Variants in ARL13B observed in about 807,000 individuals in gnomAD.
ARL13B encodes ARF like GTPase 13B.
In ARL13B, 36 loss-of-function variants were observed where a neutral mutation model predicts 56.1. The observed-to-expected ratio is 0.64, with a 90% confidence interval of 0.49 to 0.85. The LOEUF (loss-of-function observed/expected upper bound fraction) is 0.85. ARL13B is among the 40% of genes least tolerant of loss of function. The pLI is 0.00. For synonymous variants in ARL13B, 178 were observed against 171.1 expected (o/e 1.04, Z -0.32); for missense variants, 519 against 507.1 (o/e 1.02, Z -0.23).
chr3:94,018,140 T>C (rs1339657101), intron 3 of ARL13B, among the ~76,000 whole-genome samples: 1 of 152,164 alleles, frequency 6.6e-6, no homozygotes, highest in Non-Finnish European at 1.5e-5. Flanking sequence ...TCAAGCCATC[T>C]GTTCGCCTTG....
In ARL13B at chr3:94,001,017, C is replaced by T. The variant is rs1490855829; in HGVS notation, c.131-2642C>T. 3.3e-5 allele frequency among the ~76,000 whole-genome samples: 5 copies of T among 152,180 alleles called. No homozygotes were observed. The East Asian group carries it at 9.7e-4, about 29-fold the overall frequency. ...TGGTTTGGTGGTGTAGTATTGAGCC[C>T]TATATACTTTGTGCTGAATGCTAAG... On this transcript the variant is annotated intron_variant, in intron 2 of 9. Coordinates refer to ENST00000394222, the MANE Select transcript of ARL13B (RefSeq NM_001174150.2).
At chr3:94,024,674 C>G (rs957060302) in intron 3 of ARL13B, among the ~76,000 whole-genome samples, 2 of 152,194 alleles carry the variant, frequency 1.3e-5, no homozygotes, top group African/African-American at 4.8e-5. Flanking sequence ...CAGCCTCTAC[C>G]TCCCAGGCTC....
chr3:94,020,915 G>T (rs1210018237), intron 3 of ARL13B, among the ~76,000 whole-genome samples: 2 of 152,070 alleles, frequency 1.3e-5, no homozygotes, highest in African/African-American at 2.4e-5. Flanking sequence ...TAAGCTGGAA[G>T]GAGATTCCAT....
At chr3:93,990,171 A>AT (rs1197055246) in intron 1 of ARL13B, among the ~76,000 whole-genome samples, 7 of 151,564 alleles carry the variant, frequency 4.6e-5, no homozygotes, top group Admixed American at 6.6e-5. Context: ...AGCCTGGCTA[A>AT]TTTTTTTTGT....
At position 94,043,149 on chromosome 3, in the gene ARL13B, T is replaced by A. The variant is rs779172035; in HGVS notation, c.933T>A (p.Asn311Lys). The change falls in exon 7 of 10, where the codon AAT (asparagine) becomes AAA (lysine). Residue 311 changes from asparagine (N) to lysine (K), a missense_variant. Coordinates refer to ENST00000394222, the MANE Select transcript of ARL13B (RefSeq NM_001174150.2). ...QGQVNHNGQK[N>K]NEFGLVENYK... is the part of the protein sequence containing the mutation. Reference sequence around the variant, plus strand: ...AGGTTAATCACAATGGCCAAAAAAATAATGAATTTGGACTAGTAGAAAATT... The same window carrying A: ...AGGTTAATCACAATGGCCAAAAAAAAAATGAATTTGGACTAGTAGAAAATT... 6.2e-7 allele frequency: 1 copy of A among 1,613,458 alleles called. No individual in the cohort carries two copies. The highest frequency in any genetic ancestry group is 1.7e-5 in the Admixed American group (1 of 59,994).
intron 3 of ARL13B, among the ~76,000 whole-genome samples, chr3:94,020,852 A>G (rs1411513466): frequency 6.6e-6 from 1 of 152,142 alleles, no homozygotes. Flanking sequence ...CTGATTTGCT[A>G]TAGTAAAGGT....
intron 1 of ARL13B, among the ~76,000 whole-genome samples, chr3:93,981,324 A>C (rs1710202482): frequency 6.6e-6 from 1 of 152,086 alleles, no homozygotes; most frequent in African/African-American, 2.4e-5. Context: ...GACTTCACAT[A>C]GTTCTAGTCT....
intron 3 of ARL13B, among the ~76,000 whole-genome samples, chr3:94,023,312 C>T (rs908131992): frequency 2.0e-5 from 3 of 151,932 alleles, no homozygotes; most frequent in African/African-American, 7.2e-5. Flanking sequence ...CCTGTGTTTT[C>T]TGATATTTTG....
chr3:94,018,804 C>T (rs1404291314), intron 3 of ARL13B, among the ~76,000 whole-genome samples: 1 of 152,224 alleles, frequency 6.6e-6, no homozygotes, highest in Non-Finnish European at 1.5e-5. Flanking sequence ...CTCACTCTGT[C>T]CCCTAGGCCG....
chr3:94,035,517 A>G, intron 4 of ARL13B, 81 bp downstream of exon 4: 2 of 969,296 alleles, frequency 2.1e-6, no homozygotes, highest in Non-Finnish European at 3.1e-6. Context: ...TATAAAAGTG[A>G]TAGCAATTAA....
chr3:93,997,072 C>G (rs1259107043), intron 2 of ARL13B, among the ~76,000 whole-genome samples: 1 of 151,870 alleles, frequency 6.6e-6, no homozygotes, highest in Non-Finnish European at 1.5e-5. Context: ...CTCCCATCAC[C>G]CCCCCAGATG....
At chr3:94,037,495 ACT>A (rs894186764) in intron 5 of ARL13B, among the ~76,000 whole-genome samples, 6 of 151,962 alleles carry the variant, frequency 3.9e-5, no homozygotes, top group Admixed American at 3.9e-4. Flanking sequence ...TATAGAAATG[ACT>A]CTCTATCCCC....
At chr3:94,048,604 T>A (rs1019837266) in intron 7 of ARL13B, among the ~76,000 whole-genome samples, 66 of 152,272 alleles carry the variant, frequency 4.3e-4, no homozygotes, top group Non-Finnish European at 8.1e-4. Context: ...TTGATTTTTT[T>A]TTTTCTGAGA....
rs1286498320 is a variant in ARL13B, at chr3:94,054,022, A to T, written c.*759A>T. 1 of 430,084 alleles carries T rather than the reference A, an allele frequency of 2.3e-6. No individual in the cohort carries two copies. The highest frequency in any genetic ancestry group is 2.0e-5 in the African/African-American group (1 of 48,954). The allele number at this position is 430,084 out of a possible 1,614,324, so 26.6% of individuals were successfully genotyped here. ...AGACTGGAAATACCTTTTGTACCTA[A>T]ATGTTTTTTAAATTAATCAAAATAC... On this transcript the variant is annotated 3_prime_UTR_variant, in exon 10 of 10. Coordinates refer to ENST00000394222, the MANE Select transcript of ARL13B (RefSeq NM_001174150.2).
intron 6 of ARL13B, 83 bp downstream of exon 6, chr3:94,040,071 G>A: frequency 8.4e-7 from 1 of 1,191,924 alleles, no homozygotes; most frequent in Non-Finnish European, 1.2e-6. Context: ...TGGGAAAGGA[G>A]GCAGGGAAAC....
At chr3:94,029,400 T>A (rs1443095698) in intron 3 of ARL13B, among the ~76,000 whole-genome samples, 3 of 140,034 alleles carry the variant, frequency 2.1e-5, no homozygotes, top group African/African-American at 8.1e-5. Flanking sequence ...CAGGCTGGAG[T>A]GCAGTGGCAC....
At position 93,980,280 on chromosome 3, in the gene ARL13B, G is replaced by C; in HGVS notation, c.-144G>C. On this transcript the variant is annotated 5_prime_UTR_variant, in exon 1 of 10. Transcript: ENST00000394222. The stretch of plus-strand genomic sequence containing the variant: ...GTTAGCAAGGCTTAGTGCTCGGGCC[G>C]GCCGCCTTCACTTCCCTCCCGGCTT... 9.3e-7 allele frequency: 1 copy of C among 1,077,582 alleles called. No homozygotes were observed. Among genetic ancestry groups the C allele is most frequent in the Non-Finnish European group, 1.4e-6 (1 of 720,266 alleles). The allele number at this position is 1,077,582 out of a possible 1,614,324, so 66.8% of individuals were successfully genotyped here. A position where few individuals can be genotyped will look rare whatever the true frequency, so the allele number is the denominator to read the frequency against.
intron 3 of ARL13B, among the ~76,000 whole-genome samples, chr3:94,034,972 A>G (rs2076740906): frequency 1.3e-5 from 2 of 152,226 alleles, no homozygotes; most frequent in Admixed American, 1.3e-4. Flanking sequence ...ATGGTGGATG[A>G]TATCTGTAAT....
chr3:93,999,229 C>G (rs2076014148), intron 2 of ARL13B, among the ~76,000 whole-genome samples: 1 of 151,922 alleles, frequency 6.6e-6, no homozygotes, highest in African/African-American at 2.4e-5. Context: ...GCATGAGCCA[C>G]TGAGCCTGGT....
Sources: gnomAD v4.1 joint callset for allele counts (sites outside exome capture counted in the v4.1 genomes callset) on GRCh38, gnomAD v4.1.1 for gene constraint, MANE v1.5 for transcripts, NCBI Gene and HGNC (gene_info 2026-07-23, HGNC 2026-07-21) for gene names.